The following NUAK1 variants were observed in gnomAD, a reference collection of about 807,000 sequenced individuals.
NUAK1 encodes NUAK family kinase 1.
A neutral mutation model predicts 56.9 loss-of-function variants in NUAK1; 26 were observed. The observed-to-expected ratio is 0.46, with a 90% CI of 0.33 to 0.63. NUAK1 has a LOEUF of 0.63. NUAK1 is among the 30% of genes least tolerant of loss of function. The pLI is 0.02. For missense variants in NUAK1, 727 were observed against 876.1 expected (o/e 0.83, Z 2.15); for synonymous variants, 337 against 336.0 (o/e 1.00, Z -0.03).
At chr12:106,092,970 G>A (rs2032651547) in intron 2 of NUAK1, among the ~76,000 whole-genome samples, 2 of 152,180 alleles carry the variant, frequency 1.3e-5, no homozygotes, top group South Asian at 4.1e-4. Context: ...CATTTATCTG[G>A]GCATTTTGGT....
chr12:106,128,821 A>G (rs910522122), intron 1 of NUAK1, among the ~76,000 whole-genome samples: 2 of 152,168 alleles, frequency 1.3e-5, no homozygotes, highest in African/African-American at 4.8e-5. Flanking sequence ...AGATCTCCAT[A>G]TCTCTAATAA....
Position 106,106,423 on chromosome 12 carries a change from T to C in NUAK1, c.343A>G (p.Ile115Val). ...EIMSSLNHPH[I>V]ISIYEVFENK... Reference sequence around the variant, plus strand: ...CACTGACCTTCATAAATACTGATGATATGAGGATGGTTGAGAGATGACATG... The same window carrying C: ...CACTGACCTTCATAAATACTGATGACATGAGGATGGTTGAGAGATGACATG... The change falls in exon 2 of 7, where the codon ATC (isoleucine) becomes GTC (valine). Residue 115 changes from isoleucine to valine, a missense_variant. By Grantham distance (29) the Ile-to-Val change is conservative. Transcript: ENST00000261402. The C allele has an allele frequency of 6.2e-7, 1 of 1,610,644 alleles. No individual in the cohort carries two copies. Among genetic ancestry groups the C allele is most frequent in the Non-Finnish European group, 8.5e-7 (1 of 1,178,800 alleles).
chr12:106,129,481 A>C (rs995327872), intron 1 of NUAK1, among the ~76,000 whole-genome samples: 1 of 152,202 alleles, frequency 6.6e-6, no homozygotes, highest in African/African-American at 2.4e-5. Context: ...TGGAGCCTAC[A>C]AATAGTCCAA....
intron 2 of NUAK1, among the ~76,000 whole-genome samples, chr12:106,099,601 G>A (rs536760083): frequency 3.3e-4 from 50 of 152,074 alleles, no homozygotes; most frequent in Admixed American, 2.6e-3. Flanking sequence ...TTCACCTCTC[G>A]GATCCACCAC....
chr12:106,117,032 A>G (rs1311927879), intron 1 of NUAK1, among the ~76,000 whole-genome samples: 2 of 152,128 alleles, frequency 1.3e-5, no homozygotes, highest in Non-Finnish European at 2.9e-5. Context: ...GTTGCCTACC[A>G]TCCTACTGGA....
intron 1 of NUAK1, among the ~76,000 whole-genome samples, chr12:106,137,166 T>A (rs2033137946): frequency 2.6e-5 from 4 of 152,194 alleles, no homozygotes; most frequent in Non-Finnish European, 4.4e-5. Flanking sequence ...TATTTGAGAA[T>A]TTGGGGACTG....
intron 1 of NUAK1, among the ~76,000 whole-genome samples, chr12:106,122,624 A>G (rs912373174): frequency 7.2e-5 from 11 of 152,336 alleles, no homozygotes; most frequent in African/African-American, 2.6e-4. Context: ...GGTATAGACG[A>G]GAGAAAATGG....
intron 1 of NUAK1, among the ~76,000 whole-genome samples, chr12:106,130,786 C>T (rs1321081396): frequency 2.0e-5 from 3 of 152,220 alleles, no homozygotes; most frequent in South Asian, 4.1e-4. Context: ...ACAAAGGTGC[C>T]TTGTAGAGTA....
intron 1 of NUAK1, among the ~76,000 whole-genome samples, chr12:106,127,461 A>G (rs1437240002): frequency 6.6e-6 from 1 of 152,192 alleles, no homozygotes; most frequent in Non-Finnish European, 1.5e-5. Context: ...CACACCCAGC[A>G]TGGGTGAACA....
chr12:106,088,882 C>T (rs2032603161), intron 2 of NUAK1, among the ~76,000 whole-genome samples: 1 of 152,236 alleles, frequency 6.6e-6, no homozygotes, highest in South Asian at 2.1e-4. Flanking sequence ...GCTCAGACCC[C>T]TCCAGTTCCT....
chr12:106,070,750 A>G (rs1169073535), intron 6 of NUAK1, 24 bp downstream of exon 6: 2 of 1,612,770 alleles, frequency 1.2e-6, no homozygotes, highest in Non-Finnish European at 1.7e-6. Flanking sequence ...TCCACCTCTG[A>G]CCCTCCCTCC....
chr12:106,138,293 C>T lies in NUAK1; in HGVS notation c.240+121G>A. 3.0e-6 allele frequency: 4 copies of T among 1,345,172 alleles called. No individual in the cohort carries two copies. The highest frequency in any genetic ancestry group is 1.5e-5 in the South Asian group (1 of 66,024). 83.3% of individuals were successfully genotyped at this position (1,345,172 alleles called of 1,614,324 possible). On this transcript the variant is annotated intron_variant, in intron 1 of 6. Coordinates refer to ENST00000261402, the MANE Select transcript of NUAK1 (RefSeq NM_014840.3). The surrounding 1 kb of genome is among the most constrained non-coding windows in gnomAD (Gnocchi z 5.0). ...AGTGAGGAGTCTGTCTCGGGGCTTCCCAATGAGCCCCCTCTCTGTCAAGAG... is the reference window on the plus strand; with the variant it reads ...AGTGAGGAGTCTGTCTCGGGGCTTCTCAATGAGCCCCCTCTCTGTCAAGAG...
chr12:106,115,049 GGGAA>G (rs1457319191), intron 1 of NUAK1, among the ~76,000 whole-genome samples: 1 of 152,110 alleles, frequency 6.6e-6, no homozygotes, highest in Non-Finnish European at 1.5e-5. Flanking sequence ...ACGCATACTT[GGGAA>G]GTTTTCATCC....
At chr12:106,108,911 A>C (rs927696399) in intron 1 of NUAK1, among the ~76,000 whole-genome samples, 3 of 152,200 alleles carry the variant, frequency 2.0e-5, no homozygotes, top group Non-Finnish European at 2.9e-5. Flanking sequence ...TGAAAAGGAA[A>C]GTGCCCACAT....
intron 2 of NUAK1, among the ~76,000 whole-genome samples, chr12:106,093,090 T>C (rs1286095376): frequency 3.9e-5 from 6 of 152,186 alleles, no homozygotes; most frequent in Non-Finnish European, 5.9e-5. Context: ...AGCTAACCTG[T>C]ACAGTACAGA....
Position 106,066,908 on chromosome 12 carries a change from C to G in NUAK1, c.1880G>C (p.Arg627Pro). ...GCTGTCTGCCAGCCGGTTCCGGTACCGCTTCAGGTACTGGGGCCGGGGCCG... is the reference window on the plus strand; with the variant it reads ...GCTGTCTGCCAGCCGGTTCCGGTACGGCTTCAGGTACTGGGGCCGGGGCCG... ...QNRPRPQYLK[R>P]YRNRLADSSF... The change falls in exon 7 of 7, where the codon CGG becomes CCG. Residue 627 changes from arginine (R) to proline (P), a missense_variant. Arg to Pro is a moderately radical substitution (Grantham distance 103). Coordinates refer to ENST00000261402, the MANE Select transcript of NUAK1 (RefSeq NM_014840.3). 4.3e-6 allele frequency: 7 copies of G among 1,614,232 alleles called. No individual in the cohort carries two copies. In the East Asian group the frequency reaches 1.6e-4, roughly 36 times the overall value.
intron 4 of NUAK1, among the ~76,000 whole-genome samples, chr12:106,078,446 A>G (rs1313102595): frequency 2.0e-5 from 3 of 152,382 alleles, no homozygotes; most frequent in Non-Finnish European, 4.4e-5. Context: ...CCTTAGCTGT[A>G]AAGTTCTACA....
intron 1 of NUAK1, among the ~76,000 whole-genome samples, chr12:106,137,946 G>A (rs2033145018): frequency 6.6e-6 from 1 of 152,218 alleles, no homozygotes; most frequent in African/African-American, 2.4e-5. Flanking sequence ...GCAGAGCAAG[G>A]AGCTGCGGGC....
In NUAK1 at chr12:106,067,720, C is replaced by A. The variant is rs141042349; in HGVS notation, c.1068G>T (p.Thr356=). The A allele has an allele frequency of 1.2e-6, 2 of 1,614,194 alleles. No homozygotes were observed. Among genetic ancestry groups the A allele is most frequent in the Non-Finnish European group, 8.5e-7 (1 of 1,180,028 alleles). The change falls in exon 7 of 7, where the codon ACG becomes ACT. Residue 356 remains threonine, a synonymous_variant. Transcript: ENST00000261402. The surrounding 1 kb of genome is among the most constrained non-coding windows in gnomAD (Gnocchi z 6.0). ...GCCGCTCTAGCATGACCTCAGAGGT[C>A]GTGGGTTTGGCCAGGCCCTTCATTT... ...EAKMKGLAKP[T]TSEVMLERQR...
Sources: allele counts gnomAD v4.1 joint callset (sites outside exome capture counted in the v4.1 genomes callset), GRCh38; gene constraint gnomAD v4.1.1; non-coding constraint Gnocchi (gnomAD v3.1); transcripts MANE v1.5; gene names NCBI Gene and HGNC (gene_info 2026-07-23, HGNC 2026-07-21).